Variants in PRKN observed in about 807,000 individuals in gnomAD.
The protein encoded by PRKN is E3 ubiquitin-protein ligase parkin.
PRKN carries 56 observed loss-of-function variants against 59.5 expected under a neutral mutation model. The ratio of observed to expected loss-of-function variants is 0.94; its 90% CI spans 0.76 to 1.18. The LOEUF is 1.18. Ranked by LOEUF, PRKN falls within the 50% of genes most tolerant of loss-of-function variation. PRKN has a pLI of 0.00. For missense variants in PRKN, 657 were observed against 596.4 expected, an observed-to-expected ratio of 1.10 and a Z score of -1.06; for synonymous variants, 250 against 222.1, an observed-to-expected ratio of 1.13 and a Z score of -1.12.
chr6:162,045,193 T>C (rs1784206284), intron 5 of PRKN, among the ~76,000 whole-genome samples: 1 of 152,258 alleles, frequency 6.6e-6, no homozygotes, highest in African/African-American at 2.4e-5. Context: ...CTTTGTTTTC[T>C]GCATAGTGAC....
At position 162,387,555 on chromosome 6, in the gene PRKN, C is replaced by CAGAGAGAGAG. The variant is rs60548327; in HGVS notation, c.171+55745_171+55754dup. On this transcript the variant is annotated intron_variant, in intron 2 of 11. Transcript: ENST00000366898. ...CAACACACACACACACACACACACA[C>CAGAGAGAGAG]AGAGAGAGAGAGAGAGAGAGAGAGA... is the stretch of plus-strand genomic sequence containing the variant. Among the ~76,000 whole-genome samples, 29 of 95,630 alleles carry CAGAGAGAGAG rather than the reference C, an allele frequency of 3.0e-4. 1 individual carries two copies. The highest frequency in any genetic ancestry group is 6.4e-4 in the East Asian group (2 of 3,126). 62.7% of individuals were successfully genotyped at this position (95,630 alleles called of 152,430 possible).
intron 5 of PRKN, among the ~76,000 whole-genome samples, chr6:162,038,950 C>T (rs559758377): frequency 2.0e-5 from 3 of 151,954 alleles, no homozygotes; most frequent in Non-Finnish European, 2.9e-5. Flanking sequence ...GTCAGGAGAT[C>T]GAGACCATCC....
intron 1 of PRKN, among the ~76,000 whole-genome samples, chr6:162,555,622 T>C (rs1779529703): frequency 7.8e-6 from 1 of 127,872 alleles, no homozygotes; most frequent in Non-Finnish European, 1.8e-5. Context: ...CGTTACACTG[T>C]GTGAAAAAAA....
Position 161,579,889 on chromosome 6 carries a change from G to A in PRKN, c.872-10473C>T, listed in dbSNP as rs992418120. Reference sequence around the variant, plus strand: ...TTTGGTTTCTTTTATTCATCTTAGCGTAGGCATAACTGCATTCATTACTGA... The same window carrying A: ...TTTGGTTTCTTTTATTCATCTTAGCATAGGCATAACTGCATTCATTACTGA... On this transcript the variant is annotated intron_variant, in intron 7 of 11. Transcript: ENST00000366898. This position sits in a 1 kb window ranked among gnomAD's most constrained non-coding sequence, Gnocchi z 4.2. Among the ~76,000 whole-genome samples, 3 of 151,978 alleles carry A rather than the reference G, an allele frequency of 2.0e-5. No homozygotes were observed. Among genetic ancestry groups the A allele is most frequent in the Admixed American group, 6.6e-5 (1 of 15,266 alleles).
At chr6:162,504,069 C>CAG (rs36042317) in intron 1 of PRKN, among the ~76,000 whole-genome samples, 23 of 150,962 alleles carry the variant, frequency 1.5e-4, no homozygotes, top group African/African-American at 2.7e-4. Flanking sequence ...AGAGAGGACA[C>CAG]AGAGAGAGAG....
At chr6:162,104,389 T>C (rs1047706809) in intron 4 of PRKN, among the ~76,000 whole-genome samples, 2 of 152,160 alleles carry the variant, frequency 1.3e-5, no homozygotes, top group South Asian at 2.1e-4. Context: ...AATTAACATA[T>C]TGTTTGGCCA....
intron 2 of PRKN, among the ~76,000 whole-genome samples, chr6:162,333,970 T>C (rs763904021): frequency 6.6e-6 from 1 of 152,156 alleles, no homozygotes; most frequent in Non-Finnish European, 1.5e-5. Context: ...GTCTGAGTTA[T>C]CTGGATACAA....
chr6:161,649,171 GA>G (rs1386343670), intron 7 of PRKN, among the ~76,000 whole-genome samples: 1 of 152,164 alleles, frequency 6.6e-6, no homozygotes, highest in Non-Finnish European at 1.5e-5. Flanking sequence ...CTCAAAATTG[GA>G]GGAACATAAA....
At chr6:161,941,103 C>G (rs1026540418) in intron 6 of PRKN, among the ~76,000 whole-genome samples, 1 of 152,216 alleles carries the variant, frequency 6.6e-6, no homozygotes, top group Non-Finnish European at 1.5e-5. Flanking sequence ...TGGTCCCTGC[C>G]TAGGGCTCCA....
chr6:162,511,442 CA>C (rs11378794), intron 1 of PRKN, among the ~76,000 whole-genome samples: 5 of 150,800 alleles, frequency 3.3e-5, no homozygotes, highest in East Asian at 3.9e-4. Context: ...GTACAGAATA[CA>C]AAAAAAAATG....
chr6:162,053,854 C>T (rs1266164199), intron 5 of PRKN, among the ~76,000 whole-genome samples: 1 of 152,164 alleles, frequency 6.6e-6, no homozygotes, highest in Non-Finnish European at 1.5e-5. Context: ...TAAATTGGCA[C>T]ATTTCCACAC....
chr6:161,948,701 GA>G (rs1272154395), intron 6 of PRKN, among the ~76,000 whole-genome samples: 3 of 152,164 alleles, frequency 2.0e-5, no homozygotes, highest in African/African-American at 7.2e-5. Context: ...AAGGCCTTGA[GA>G]TACAGAAAGA....
intron 7 of PRKN, among the ~76,000 whole-genome samples, chr6:161,631,696 A>C (rs1388534388): frequency 1.3e-5 from 2 of 152,074 alleles, no homozygotes; most frequent in Non-Finnish European, 2.9e-5. Flanking sequence ...CTGTAGTTAG[A>C]GGAATATCCT....
intron 4 of PRKN, among the ~76,000 whole-genome samples, chr6:162,186,393 G>C (rs1324238193): frequency 6.6e-6 from 1 of 150,950 alleles, no homozygotes; most frequent in Non-Finnish European, 1.5e-5. Flanking sequence ...GGGCTATTTT[G>C]AAACATCTCA....
At chr6:161,731,409 C>A (rs1162293083) in intron 7 of PRKN, among the ~76,000 whole-genome samples, 1 of 152,334 alleles carries the variant, frequency 6.6e-6, no homozygotes, top group East Asian at 1.9e-4. Context: ...CATTTCTACA[C>A]AACCAATAGT....
chr6:161,417,591 A>C lies in PRKN; in HGVS notation c.1084-30714T>G, dbSNP rs1016032814. Among the ~76,000 whole-genome samples the C allele has an allele frequency of 1.3e-5, 2 of 152,194 alleles. No homozygotes were observed. The highest frequency in any genetic ancestry group is 2.9e-5 in the Non-Finnish European group (2 of 68,042). ...AATGGGGTTTGTGTCTTAGAAAAGA[A>C]AAAACTCACGGGGCTGGGGGTTACA... On this transcript the variant is annotated intron_variant, in intron 9 of 11. Transcript: ENST00000366898. The surrounding 1 kb of genome is among the most constrained non-coding windows in gnomAD (Gnocchi z 5.4).
chr6:161,801,142 C>T (rs779841178), intron 6 of PRKN, among the ~76,000 whole-genome samples: 4 of 152,090 alleles, frequency 2.6e-5, no homozygotes, highest in Non-Finnish European at 2.9e-5. Context: ...CACAGCCCAC[C>T]GGTGACGGAG....
chr6:161,674,284 C>T (rs542805328), intron 7 of PRKN, among the ~76,000 whole-genome samples: 2 of 151,968 alleles, frequency 1.3e-5, no homozygotes, highest in Non-Finnish European at 2.9e-5. Context: ...CAAAGGATGG[C>T]TTTGCTGTAT....
At chr6:162,013,196 T>C (rs139698139) in intron 5 of PRKN, among the ~76,000 whole-genome samples, 91 of 152,268 alleles carry the variant, frequency 6.0e-4, no homozygotes, top group African/African-American at 2.1e-3. Flanking sequence ...GGTTATATCA[T>C]ACAGACCCAT....
Sources: allele counts gnomAD v4.1 joint callset (sites outside exome capture counted in the v4.1 genomes callset), GRCh38; gene constraint gnomAD v4.1.1; non-coding constraint Gnocchi (gnomAD v3.1); transcripts MANE v1.5; gene names NCBI Gene and HGNC (gene_info 2026-07-23, HGNC 2026-07-21).